Variants in TMCC3 observed in about 807,000 individuals in gnomAD.
TMCC3 encodes transmembrane and coiled-coil domain protein 3.
A neutral mutation model predicts 40.2 loss-of-function variants in TMCC3; 28 were observed. The ratio of observed to expected loss-of-function variants is 0.70; its 90% CI spans 0.52 to 0.95. The LOEUF (loss-of-function observed/expected upper bound fraction) is 0.95. Among genes scored for constraint, TMCC3 ranks in the 40% least tolerant of loss-of-function variants. The pLI is 0.00. For missense variants in TMCC3, 554 were observed against 615.2 expected, an observed-to-expected ratio of 0.90 and a Z score of 1.05; for synonymous variants, 255 against 248.5, an observed-to-expected ratio of 1.03 and a Z score of -0.25.
intron 1 of TMCC3, among the ~76,000 whole-genome samples, chr12:94,641,398 G>A (rs2651985): frequency 0.44 from 67,118 of 151,786 alleles, 14,947 homozygotes; most frequent in Non-Finnish European, 0.46. Context: ...GTAGGTGGAA[G>A]TGTCTCATAG....
chr12:94,639,001 G>GA (rs5800166), intron 1 of TMCC3, among the ~76,000 whole-genome samples: 77,743 of 152,030 alleles, frequency 0.51, 20,126 homozygotes, highest in Middle Eastern at 0.54. Context: ...CTTTACTTTA[G>GA]AAAAACATGT....
chr12:94,635,465 C>T (rs1339504855), intron 1 of TMCC3, among the ~76,000 whole-genome samples: 1 of 152,118 alleles, frequency 6.6e-6, no homozygotes, highest in Admixed American at 6.5e-5. Flanking sequence ...ACAGTGTTTG[C>T]AAACTGTAGA....
At chr12:94,597,120 A>AATACATAC (rs1555283279) in intron 1 of TMCC3, among the ~76,000 whole-genome samples, 98 of 5,392 alleles carry the variant, frequency 0.018, no homozygotes, top group Non-Finnish European at 0.044. Flanking sequence ...TCTCTATTAA[A>AATACATAC]ATACATATAT....
intron 1 of TMCC3, chr12:94,613,959 G>A (rs989528046): frequency 6.6e-6 from 1 of 152,054 alleles, no homozygotes; most frequent in Non-Finnish European, 1.5e-5. Context: ...GCCGGGCATG[G>A]TGGTGGGTGC....
At chr12:94,628,062 C>T (rs1317097644) in intron 1 of TMCC3, among the ~76,000 whole-genome samples, 1 of 152,238 alleles carries the variant, frequency 6.6e-6, no homozygotes, top group African/African-American at 2.4e-5. Context: ...ACATAGCCCG[C>T]TCCTGACTTG....
chr12:94,595,183 CTAACTA>C (rs1353414274), intron 1 of TMCC3, among the ~76,000 whole-genome samples: 3 of 152,178 alleles, frequency 2.0e-5, no homozygotes, highest in Admixed American at 1.3e-4. Flanking sequence ...TAGCACTACT[CTAACTA>C]TATTTTCCAT....
At chr12:94,620,094 C>T (rs1219229088) in intron 1 of TMCC3, among the ~76,000 whole-genome samples, 1 of 151,630 alleles carries the variant, frequency 6.6e-6, no homozygotes, top group African/African-American at 2.4e-5. Flanking sequence ...ACCCGGAAGG[C>T]GGAGGTTGCG....
At chr12:94,642,857 G>A (rs2068997988) in intron 1 of TMCC3, among the ~76,000 whole-genome samples, 1 of 152,176 alleles carries the variant, frequency 6.6e-6, no homozygotes, top group Non-Finnish European at 1.5e-5. Flanking sequence ...GACAACCCTT[G>A]TAAAAACCTA....
intron 3 of TMCC3, among the ~76,000 whole-genome samples, chr12:94,576,743 A>G (rs2068567488): frequency 1.3e-5 from 2 of 152,162 alleles, no homozygotes; most frequent in Admixed American, 6.5e-5. Flanking sequence ...TCAACCTACC[A>G]AAGTGCTGGG....
intron 1 of TMCC3, among the ~76,000 whole-genome samples, chr12:94,627,780 C>G (rs1184173346): frequency 6.6e-6 from 1 of 152,236 alleles, no homozygotes; most frequent in Admixed American, 6.5e-5. Flanking sequence ...TTGGGCCTCC[C>G]CAGCCCTCTT....
chr12:94,629,234 AAAC>A (rs2068919374), intron 1 of TMCC3, among the ~76,000 whole-genome samples: 1 of 152,192 alleles, frequency 6.6e-6, no homozygotes, highest in Non-Finnish European at 1.5e-5. Flanking sequence ...AATGTCCTAC[AAAC>A]AACAAGAGAC....
rs1220897761 is a variant in TMCC3, at chr12:94,571,314, A to G, written c.*121T>C. On this transcript the variant is annotated 3_prime_UTR_variant, in exon 4 of 4. Coordinates refer to ENST00000261226, the MANE Select transcript of TMCC3 (RefSeq NM_020698.4). ...AGAGAATTGTAGTTATTTACACCACACAGTCCTAGTTTTTCTTACACACGA... is the reference window on the plus strand; with the variant it reads ...AGAGAATTGTAGTTATTTACACCACGCAGTCCTAGTTTTTCTTACACACGA... 2 of 1,003,418 alleles carry G rather than the reference A, an allele frequency of 2.0e-6. No individual in the cohort carries two copies. The highest frequency in any genetic ancestry group is 3.3e-5 in the African/African-American group (2 of 61,062). The allele number at this position is 1,003,418 out of a possible 1,614,324, so 62.2% of individuals were successfully genotyped here. A position where few individuals can be genotyped will look rare whatever the true frequency, so the allele number is the denominator to read the frequency against.
chr12:94,639,694 C>CACAT (rs2068978747), intron 1 of TMCC3, among the ~76,000 whole-genome samples: 1 of 148,060 alleles, frequency 6.8e-6, no homozygotes, highest in African/African-American at 2.5e-5. Context: ...CACACACACA[C>CACAT]ACACACACAC....
At chr12:94,645,647 C>T (rs1268682392) in intron 1 of TMCC3, among the ~76,000 whole-genome samples, 1 of 152,150 alleles carries the variant, frequency 6.6e-6, no homozygotes, top group Non-Finnish European at 1.5e-5. Flanking sequence ...ACCATGTTGG[C>T]CAAGCTGGTC....
At chr12:94,581,437 C>T (rs2068600355) in intron 2 of TMCC3, among the ~76,000 whole-genome samples, 185 bp downstream of exon 2, 1 of 152,062 alleles carries the variant, frequency 6.6e-6, no homozygotes, top group Admixed American at 6.6e-5. Flanking sequence ...AACCATAAGG[C>T]ATTCTTATTT....
At chr12:94,636,281 A>G (rs1043435913) in intron 1 of TMCC3, among the ~76,000 whole-genome samples, 1 of 152,262 alleles carries the variant, frequency 6.6e-6, no homozygotes, top group Non-Finnish European at 1.5e-5. Context: ...TTAGGAGAAC[A>G]TGGGCATGTG....
chr12:94,573,094 T>G (rs2068542628), intron 3 of TMCC3, among the ~76,000 whole-genome samples: 3 of 152,210 alleles, frequency 2.0e-5, no homozygotes, highest in Non-Finnish European at 1.5e-5. Context: ...CTTCATGTAT[T>G]GCAGCTACCC....
intron 3 of TMCC3, among the ~76,000 whole-genome samples, chr12:94,575,954 TA>T (rs965273938): frequency 3.3e-5 from 5 of 151,474 alleles, no homozygotes; most frequent in African/African-American, 9.7e-5. Flanking sequence ...CTATAATAAT[TA>T]AAAAAAAAAT....
At chr12:94,632,815 C>T (rs76317787) in intron 1 of TMCC3, among the ~76,000 whole-genome samples, 9,351 of 152,124 alleles carry the variant, frequency 0.061, 318 homozygotes, top group South Asian at 0.15. Flanking sequence ...ATAAAAATAC[C>T]ACATTAGAAA....
Sources: gnomAD v4.1 joint callset for allele counts (sites outside exome capture counted in the v4.1 genomes callset) on GRCh38, gnomAD v4.1.1 for gene constraint, MANE v1.5 for transcripts, NCBI Gene and HGNC (gene_info 2026-07-23, HGNC 2026-07-21) for gene names.